The following CBX3 variants were observed in gnomAD, a reference collection of about 807,000 sequenced individuals.
The protein encoded by CBX3 is chromobox protein homolog 3.
CBX3 carries 5 observed loss-of-function variants against 22.6 expected under a neutral mutation model. The observed-to-expected ratio is 0.22, with a 90% confidence interval of 0.12 to 0.47. The LOEUF (loss-of-function observed/expected upper bound fraction) is 0.47, where lower values mean the gene tolerates loss of function less well. Ranked by LOEUF, CBX3 falls within the 20% of genes least tolerant of loss-of-function variation. The pLI, the probability that CBX3 is intolerant of heterozygous loss-of-function variation, is 0.99. For synonymous variants in CBX3, 50 were observed against 66.6 expected, an observed-to-expected ratio of 0.75 and a Z score of 1.21; for missense variants, 83 against 208.1, an observed-to-expected ratio of 0.40 and a Z score of 3.70.
In CBX3 at chr7:26,208,575, C is replaced by CA; in HGVS notation, c.330+21dup. The CA allele has an allele frequency of 6.4e-7, 1 of 1,560,268 alleles. No individual in the cohort carries two copies. Among genetic ancestry groups the CA allele is most frequent in the Non-Finnish European group, 8.7e-7 (1 of 1,147,510 alleles). On this transcript the variant is annotated intron_variant, in intron 4 of 5. Coordinates refer to ENST00000396386, the MANE Select transcript of CBX3 (RefSeq NM_016587.4). ...GATGCTGTAAGTATAAAATATTGCC[C>CA]ACCAGCTTGTCCTTTTGTAAAAGGT...
intron 4 of CBX3, among the ~76,000 whole-genome samples, chr7:26,209,052 G>A (rs1433953134): frequency 1.4e-5 from 2 of 145,350 alleles, no homozygotes; most frequent in Non-Finnish European, 1.5e-5. Flanking sequence ...GATTACAAGC[G>A]TGTACCACCA....
At chr7:26,206,903 C>G (rs2128137487) in intron 3 of CBX3, among the ~76,000 whole-genome samples, 1 of 152,258 alleles carries the variant, frequency 6.6e-6, no homozygotes, top group South Asian at 2.1e-4. Flanking sequence ...TACATATAAT[C>G]TAGGCTTTAT....
intron 1 of CBX3, 26 bp from the exon 2 acceptor site, chr7:26,202,945 A>T (rs950765022): frequency 1.4e-6 from 2 of 1,477,286 alleles, no homozygotes; most frequent in African/African-American, 1.4e-5. Flanking sequence ...ATGCAAACTT[A>T]CCTTAACTGT....
At chr7:26,208,704 C>A in intron 4 of CBX3, 149 bp downstream of exon 4, 1 of 629,804 alleles carries the variant, frequency 1.6e-6, no homozygotes. Context: ...ACTGCAACTG[C>A]CGCCTCCTGG....
rs1201832732 is a variant in CBX3, at chr7:26,212,250, A to G, written c.*42A>G. 5 of 1,109,186 alleles carry G rather than the reference A, an allele frequency of 4.5e-6. No individual in the cohort carries two copies. The African/African-American group carries it at 6.6e-5, about 15-fold the overall frequency. The allele number at this position is 1,109,186 out of a possible 1,614,324, so 68.7% of individuals were successfully genotyped here. A position where few individuals can be genotyped will look rare whatever the true frequency, so the allele number is the denominator to read the frequency against. On this transcript the variant is annotated 3_prime_UTR_variant, in exon 6 of 6. Transcript: ENST00000396386. Reference sequence around the variant, plus strand: ...TTTATATATATTTATATATATATATAAAAATTGGGTCTTAGATTTTGATTT... The same window carrying G: ...TTTATATATATTTATATATATATATGAAAATTGGGTCTTAGATTTTGATTT...
At chr7:26,208,302 C>G (rs1784726260) in intron 3 of CBX3, 91 bp from the exon 4 acceptor site, 1 of 1,055,430 alleles carries the variant, frequency 9.5e-7, no homozygotes. Context: ...ACTTTTTATT[C>G]CCCCGGGTGT....
At chr7:26,211,969 C>T in intron 5 of CBX3, 113 bp from the exon 6 acceptor site, 4 of 999,158 alleles carry the variant, frequency 4.0e-6, no homozygotes, top group Non-Finnish European at 5.7e-6. Flanking sequence ...TAACATAACT[C>T]TCCTGGAGCA....
intron 3 of CBX3, 102 bp from the exon 4 acceptor site, chr7:26,208,291 G>A (rs1287335028): frequency 1.3e-5 from 12 of 896,688 alleles, no homozygotes; most frequent in South Asian, 9.9e-5. Flanking sequence ...CAGTACAGAG[G>A]ACTTTTTATT....
At chr7:26,210,609 CAG>C (rs1211166063) in intron 4 of CBX3, 2 of 152,044 alleles carry the variant, frequency 1.3e-5, no homozygotes, top group Non-Finnish European at 2.9e-5. Flanking sequence ...TTTTTGGTCT[CAG>C]GGCCTCTTTA....
At chr7:26,210,908 G>A (rs1784790213) in intron 4 of CBX3, among the ~76,000 whole-genome samples, 1 of 151,960 alleles carries the variant, frequency 6.6e-6, no homozygotes, top group African/African-American at 2.4e-5. Context: ...CTCCCAAAAA[G>A]GACTCTGGAA....
intron 4 of CBX3, 59 bp from the exon 5 acceptor site, chr7:26,211,603 C>T (rs372000704): frequency 4.2e-5 from 43 of 1,027,932 alleles, no homozygotes; most frequent in East Asian, 1.3e-4. Flanking sequence ...ATTTAAAATA[C>T]GCCATGAAAA....
Position 26,212,072 on chromosome 7 carries a change from C to T in CBX3, c.426-10C>T. The T allele has an allele frequency of 7.9e-7, 1 of 1,269,704 alleles. No homozygotes were observed. 78.7% of individuals were successfully genotyped at this position (1,269,704 alleles called of 1,614,324 possible). A position where few individuals can be genotyped will look rare whatever the true frequency, so the allele number is the denominator to read the frequency against. The stretch of plus-strand genomic sequence containing the variant: ...GACTTGTAACTGAATTTTTCTTTTT[C>T]TTAAAACAGGAAAGATTCAGATGAG... On this transcript the variant is annotated splice_polypyrimidine_tract_variant and intron_variant, in intron 5 of 5. Coordinates refer to ENST00000396386, the MANE Select transcript of CBX3 (RefSeq NM_016587.4).
chr7:26,206,234 CAGA>C, intron 2 of CBX3, 131 bp from the exon 3 acceptor site: 1 of 599,224 alleles, frequency 1.7e-6, no homozygotes, highest in East Asian at 2.8e-5. Context: ...TTAATCTTTC[CAGA>C]AGGTGTCTGC....
chr7:26,207,600 C>T (rs1784708619), intron 3 of CBX3, among the ~76,000 whole-genome samples: 1 of 152,012 alleles, frequency 6.6e-6, no homozygotes, highest in African/African-American at 2.4e-5. Context: ...CTCACTGCAA[C>T]CTCTGCCTTC....
At chr7:26,210,177 C>CAGCT (rs1273886178) in intron 4 of CBX3, 5 of 152,200 alleles carry the variant, frequency 3.3e-5, no homozygotes, top group Non-Finnish European at 5.9e-5. Flanking sequence ...CCTGTAGTCT[C>CAGCT]AGCTACTTGG....
chr7:26,208,301 T>TC (rs1295622076), intron 3 of CBX3, 92 bp from the exon 4 acceptor site: 10 of 1,045,496 alleles, frequency 9.6e-6, no homozygotes, highest in African/African-American at 3.2e-5. Flanking sequence ...GACTTTTTAT[T>TC]CCCCCGGGTG....
In CBX3 at chr7:26,202,992, A is replaced by G. The variant is rs1229170916; in HGVS notation, c.-7A>G. Reference sequence around the variant, plus strand: ...CTAGTAATAGCTCTTCAAGTCTGCAATAAAAAATGGCCTCCAACAAAACTA... The same window carrying G: ...CTAGTAATAGCTCTTCAAGTCTGCAGTAAAAAATGGCCTCCAACAAAACTA... On this transcript the variant is annotated 5_prime_UTR_variant, in exon 2 of 6. Transcript: ENST00000396386. 3 of 1,608,234 alleles carry G rather than the reference A, an allele frequency of 1.9e-6. No homozygotes were observed. The highest frequency in any genetic ancestry group is 3.3e-4 in the Middle Eastern group (2 of 6,020).
At position 26,212,215 on chromosome 7, in the gene CBX3, A is replaced by G. The variant is rs754927630; in HGVS notation, c.*7A>G. On this transcript the variant is annotated 3_prime_UTR_variant, in exon 6 of 6. Transcript: ENST00000396386. ...AGAAGATGAAGCTCAATAATTGTTC[A>G]CATTGTTCTTTTATATATATTTATA... 2.9e-5 allele frequency: 41 copies of G among 1,418,482 alleles called. No homozygotes were observed. The highest frequency in any genetic ancestry group is 5.1e-5 in the Admixed American group (2 of 38,976). The allele number at this position is 1,418,482 out of a possible 1,614,324, so 87.9% of individuals were successfully genotyped here.
At chr7:26,209,141 A>G (rs1369535552) in intron 4 of CBX3, among the ~76,000 whole-genome samples, 1 of 146,864 alleles carries the variant, frequency 6.8e-6, no homozygotes, top group African/African-American at 2.5e-5. Flanking sequence ...TCCTGACATC[A>G]GGTGATCCAC....
Sources: gnomAD v4.1 joint callset for allele counts (sites outside exome capture counted in the v4.1 genomes callset) on GRCh38, gnomAD v4.1.1 for gene constraint, MANE v1.5 for transcripts, NCBI Gene and HGNC (gene_info 2026-07-23, HGNC 2026-07-21) for gene names.